Variants in NACC2 observed in about 807,000 individuals in gnomAD.
The protein encoded by NACC2 is nucleus accumbens-associated protein 2.
Under a neutral mutation model 25.1 loss-of-function variants are expected in NACC2, and 8 were observed. That is an observed-to-expected ratio of 0.32 (90% CI 0.19 to 0.57). NACC2 has a LOEUF of 0.57. NACC2 is among the 20% of genes least tolerant of loss of function. NACC2 has a pLI of 0.89. For missense variants in NACC2, 644 were observed against 650.2 expected, an observed-to-expected ratio of 0.99 and a Z score of 0.10; for synonymous variants, 435 against 294.7, an observed-to-expected ratio of 1.48 and a Z score of -4.88.
chr9:136,026,539 C>T (rs933052464), intron 2 of NACC2, among the ~76,000 whole-genome samples: 2 of 151,766 alleles, frequency 1.3e-5, no homozygotes, highest in African/African-American at 2.4e-5. Flanking sequence ...GACATGGAGC[C>T]GCATCAAAAG....
intron 2 of NACC2, among the ~76,000 whole-genome samples, chr9:136,029,578 G>A (rs904431821): frequency 3.9e-5 from 6 of 152,138 alleles, no homozygotes; most frequent in African/African-American, 9.7e-5. Context: ...GCAGCCCTTC[G>A]GGGATCCCAG....
rs1171362769 is a variant in NACC2 at position 136,008,791 on chromosome 9, A to C, written c.*2725T>G. 1.3e-5 allele frequency: 2 copies of C among 152,188 alleles called. No homozygotes were observed. The highest frequency in any genetic ancestry group is 4.8e-5 in the African/African-American group (2 of 41,436). 9.4% of individuals were successfully genotyped at this position (152,188 alleles called of 1,614,324 possible). On this transcript the variant is annotated 3_prime_UTR_variant, in exon 6 of 6. Coordinates refer to ENST00000277554, the MANE Select transcript of NACC2 (RefSeq NM_144653.5). ...GCTCAGCAGCCACGCACGTCCACAG[A>C]CACTCCCGACTCACGCCCACCGTGG...
At chr9:136,090,221 C>T (rs892242571) in intron 1 of NACC2, among the ~76,000 whole-genome samples, 3 of 152,224 alleles carry the variant, frequency 2.0e-5, no homozygotes, top group Non-Finnish European at 4.4e-5. Flanking sequence ...ATGCCCAGGG[C>T]CTGGGTGGGG....
intron 2 of NACC2, among the ~76,000 whole-genome samples, chr9:136,024,428 A>AGT (rs1160185523): frequency 1.2e-4 from 14 of 116,840 alleles, no homozygotes; most frequent in Admixed American, 1.8e-4. Context: ...GTGAGGACAG[A>AGT]GTGTGTGTGT....
At chr9:136,052,489 G>A (rs1840860737) in intron 1 of NACC2, among the ~76,000 whole-genome samples, 1 of 152,082 alleles carries the variant, frequency 6.6e-6, no homozygotes, top group Non-Finnish European at 1.5e-5. Context: ...GGGAAGGGGA[G>A]GGGAGGTACA....
intron 1 of NACC2, among the ~76,000 whole-genome samples, chr9:136,089,585 T>TG: frequency 6.6e-6 from 1 of 151,732 alleles, no homozygotes; most frequent in Middle Eastern, 3.4e-3. Context: ...CTCCCTCCTC[T>TG]GAGGCTCCCC....
chr9:136,075,727 G>A lies in NACC2; in HGVS notation c.-60+19462C>T, dbSNP rs562962184. Among the ~76,000 whole-genome samples the A allele has an allele frequency of 1.9e-3, 288 of 152,328 alleles. No homozygotes were observed. In the Middle Eastern group the frequency reaches 0.02, roughly 11 times the overall value. On this transcript the variant is annotated intron_variant, in intron 1 of 5. Coordinates refer to ENST00000277554, the MANE Select transcript of NACC2 (RefSeq NM_144653.5). ...GGGAGGACACCCCCGTGCAGACTGC[G>A]CCCAGGGGAGGAGACCCACCCAACA...
intron 1 of NACC2, among the ~76,000 whole-genome samples, chr9:136,088,045 G>T (rs7035831): frequency 6.8e-4 from 104 of 152,038 alleles, no homozygotes; most frequent in African/African-American, 2.3e-3. Context: ...CCTGGAAGAC[G>T]GGCACCCCCA....
At chr9:136,016,493 C>T (rs1840205923) in intron 2 of NACC2, 64 bp from the exon 3 acceptor site, 2 of 1,590,880 alleles carry the variant, frequency 1.3e-6, no homozygotes, top group South Asian at 1.1e-5. Context: ...CTGTGCCTGC[C>T]CGCCTGCCCT....
In NACC2 at chr9:136,086,693, C is replaced by A. The variant is rs1000226889; in HGVS notation, c.-60+8496G>T. ...ATAACCGCAGATGACAACGCCGACT[C>A]CTAGGAAAACCCTCCCCGACCAGTG... On this transcript the variant is annotated intron_variant, in intron 1 of 5. Coordinates refer to ENST00000277554, the MANE Select transcript of NACC2 (RefSeq NM_144653.5). This position sits in a 1 kb window ranked among gnomAD's most constrained non-coding sequence, Gnocchi z 5.6. 3.9e-5 allele frequency among the ~76,000 whole-genome samples: 6 copies of A among 152,218 alleles called. No individual in the cohort carries two copies. The highest frequency in any genetic ancestry group is 8.8e-5 in the Non-Finnish European group (6 of 68,022).
At chr9:136,090,733 G>GCGGA (rs774467500) in intron 1 of NACC2, among the ~76,000 whole-genome samples, 87 of 152,302 alleles carry the variant, frequency 5.7e-4, no homozygotes, top group Admixed American at 1.6e-3. Context: ...GCATGACTAT[G>GCGGA]CGGAGGCTGA....
chr9:136,040,351 A>G (rs1235483294), intron 2 of NACC2, among the ~76,000 whole-genome samples: 1 of 152,032 alleles, frequency 6.6e-6, no homozygotes, highest in Non-Finnish European at 1.5e-5. Flanking sequence ...TCTCAAAAAA[A>G]AAAAATCAAC....
At position 136,016,437 on chromosome 9, in the gene NACC2, C is replaced by T; in HGVS notation, c.887-8G>A. 6.2e-7 allele frequency: 1 copy of T among 1,610,726 alleles called. No individual in the cohort carries two copies. On this transcript the variant is annotated splice_polypyrimidine_tract_variant and splice_region_variant and intron_variant, in intron 2 of 5. Coordinates refer to ENST00000277554, the MANE Select transcript of NACC2 (RefSeq NM_144653.5). ...GCTCAGGCTTCTCTTGCACTGTGGG[C>T]CCAGAACCAACCTGGTCAGATGGGC...
intron 2 of NACC2, among the ~76,000 whole-genome samples, chr9:136,038,367 C>G (rs929580845): frequency 1.6e-4 from 24 of 152,064 alleles, no homozygotes; most frequent in Admixed American, 6.6e-5. Context: ...GAAATCCTGT[C>G]TCTACAAAAA....
chr9:136,058,534 G>A (rs1313033021), intron 1 of NACC2, among the ~76,000 whole-genome samples: 2 of 152,170 alleles, frequency 1.3e-5, no homozygotes, highest in African/African-American at 4.8e-5. Context: ...ATGGGATGTT[G>A]GATACACACG....
chr9:136,044,219 A>G (rs1840685818), intron 2 of NACC2, among the ~76,000 whole-genome samples: 3 of 152,204 alleles, frequency 2.0e-5, no homozygotes, highest in Non-Finnish European at 4.4e-5. Flanking sequence ...CAGGATGCTG[A>G]TGAAAGCAGA....
intron 1 of NACC2, among the ~76,000 whole-genome samples, chr9:136,081,164 G>A (rs752442192): frequency 6.6e-6 from 1 of 152,190 alleles, no homozygotes; most frequent in Non-Finnish European, 1.5e-5. Flanking sequence ...CGGACCCTCA[G>A]TGGCCACTCG....
intron 1 of NACC2, among the ~76,000 whole-genome samples, chr9:136,052,938 C>T (rs1160469995): frequency 4.6e-5 from 7 of 152,252 alleles, no homozygotes; most frequent in African/African-American, 1.2e-4. Flanking sequence ...AGCCTCTCTG[C>T]GTGGGGCCCT....
intron 2 of NACC2, among the ~76,000 whole-genome samples, chr9:136,025,282 C>T (rs907570065): frequency 2.0e-5 from 3 of 152,142 alleles, no homozygotes; most frequent in African/African-American, 7.2e-5. Context: ...GTCCCCAGAC[C>T]CTTTGAGGAG....
Sources: gnomAD v4.1 joint callset for allele counts (sites outside exome capture counted in the v4.1 genomes callset) on GRCh38, gnomAD v4.1.1 for gene constraint, Gnocchi (gnomAD v3.1) non-coding constraint, MANE v1.5 for transcripts, NCBI Gene and HGNC (gene_info 2026-07-23, HGNC 2026-07-21) for gene names.